Variants in NSMAF observed in about 807,000 individuals in gnomAD.
The protein encoded by NSMAF is protein FAN.
NSMAF carries 90 observed loss-of-function variants against 134.9 expected under a neutral mutation model. The observed-to-expected ratio is 0.67, with a 90% CI of 0.56 to 0.79. The LOEUF is 0.79. NSMAF is among the 30% of genes least tolerant of loss of function. NSMAF has a pLI of 0.00. For missense variants in NSMAF, 1,010 were observed against 1,119.0 expected (o/e 0.90, Z 1.39); for synonymous variants, 358 against 389.6 (o/e 0.92, Z 0.96).
chr8:58,601,474 C>A lies in NSMAF; in HGVS notation c.1187G>T (p.Gly396Val). 1 of 1,612,248 alleles carries A rather than the reference C, an allele frequency of 6.2e-7. No homozygotes were observed. The highest frequency in any genetic ancestry group is 8.5e-7 in the Non-Finnish European group (1 of 1,179,480). Residue 396 changes from glycine (G) to valine (V), a missense_variant, in exon 15 of 31, where the codon GGT becomes GTT. By Grantham distance (109) the Gly-to-Val change is moderately radical. Coordinates refer to ENST00000038176, the MANE Select transcript of NSMAF (RefSeq NM_003580.4). ...FMYGSHYSSP[G>V]YVLFYLVRIA... is the part of the protein sequence containing the mutation. ...CCTAACAAGATAAAAAAGTACATAA[C>A]CCGGGGAAGAGTAGTGACTCCCATA...
chr8:58,642,564 T>C (rs1258191069), intron 2 of NSMAF, among the ~76,000 whole-genome samples: 1 of 152,146 alleles, frequency 6.6e-6, no homozygotes, highest in African/African-American at 2.4e-5. Context: ...ACCCGAATAA[T>C]TGAGAGCAGA....
intron 23 of NSMAF, among the ~76,000 whole-genome samples, chr8:58,591,257 A>C (rs946450614): frequency 1.3e-5 from 2 of 152,196 alleles, no homozygotes; most frequent in Admixed American, 1.3e-4. Flanking sequence ...GGAGGAAAAT[A>C]GCAATTTTAA....
At chr8:58,650,637 T>A (rs1000683862) in intron 1 of NSMAF, among the ~76,000 whole-genome samples, 14 of 152,330 alleles carry the variant, frequency 9.2e-5, no homozygotes, top group African/African-American at 3.1e-4. Flanking sequence ...TTTCAATATC[T>A]GCTTTCTTAA....
In NSMAF at chr8:58,597,488, G is replaced by A; in HGVS notation, c.1691C>T (p.Pro564Leu). 1 of 1,614,036 alleles carries A rather than the reference G, an allele frequency of 6.2e-7. No homozygotes were observed. Among genetic ancestry groups the A allele is most frequent in the Non-Finnish European group, 8.5e-7 (1 of 1,179,920 alleles). Residue 564 changes from proline to leucine, a missense_variant, in exon 21 of 31, where the codon CCA becomes CTA. By Grantham distance (98) the Pro-to-Leu change is moderately conservative. Transcript: ENST00000038176. The stretch of plus-strand genomic sequence containing the variant: ...ATGTGGTGTCACAAATAGTTGTTTT[G>A]GTGTCTGCCCAAATTCCAAGATTTG... ...LTQILEFGQTPKQLFVTPHPR... is the reference protein window; with the variant it reads ...LTQILEFGQTLKQLFVTPHPR...
intron 23 of NSMAF, 55 bp from the exon 24 acceptor site, chr8:58,590,989 C>T (rs1430612319): frequency 2.1e-5 from 32 of 1,511,968 alleles, no homozygotes; most frequent in African/African-American, 9.7e-5. Context: ...CCATTACAGA[C>T]GTCAAAGAAC....
chr8:58,606,079 T>C, intron 11 of NSMAF, 44 bp from the exon 12 acceptor site: 1 of 936,822 alleles, frequency 1.1e-6, no homozygotes, highest in Non-Finnish European at 1.5e-6. Context: ...AGCATTGTAT[T>C]CATCTTGCAA....
intron 6 of NSMAF, among the ~76,000 whole-genome samples, chr8:58,627,904 C>T (rs970314040): frequency 6.6e-6 from 1 of 151,996 alleles, no homozygotes; most frequent in Non-Finnish European, 1.5e-5. Flanking sequence ...CCATATGGCA[C>T]CAAAAAAGAG....
At chr8:58,623,653 A>T in intron 7 of NSMAF, 56 bp downstream of exon 7, 3 of 1,470,734 alleles carry the variant, frequency 2.0e-6, no homozygotes, top group African/African-American at 1.4e-5. Flanking sequence ...TACGAAATTT[A>T]TAAAAACAGT....
Position 58,587,615 on chromosome 8 carries a change from C to G in NSMAF, c.2295+3G>C, listed in dbSNP as rs1478189169. The stretch of plus-strand genomic sequence containing the variant: ...TTCTGTACAGTTTGTTGCTGGTACT[C>G]ACACTGACATCATGTTCCAGCTCGG... On this transcript the variant is annotated splice_donor_region_variant and intron_variant, in intron 27 of 30. Coordinates refer to ENST00000038176, the MANE Select transcript of NSMAF (RefSeq NM_003580.4). 8 of 1,613,580 alleles carry G rather than the reference C, an allele frequency of 5.0e-6. No homozygotes were observed. Among genetic ancestry groups the G allele is most frequent in the Non-Finnish European group, 6.8e-6 (8 of 1,179,490 alleles).
intron 13 of NSMAF, among the ~76,000 whole-genome samples, chr8:58,602,608 A>G (rs1806310636): frequency 6.6e-6 from 1 of 152,192 alleles, no homozygotes; most frequent in Non-Finnish European, 1.5e-5. Flanking sequence ...TCTTTCAAGG[A>G]CAAAGGTTCA....
At chr8:58,644,055 A>AT (rs1403237759) in intron 1 of NSMAF, among the ~76,000 whole-genome samples, 3 of 152,260 alleles carry the variant, frequency 2.0e-5, no homozygotes, top group East Asian at 3.9e-4. Flanking sequence ...GAAAACAGGC[A>AT]TTTTTTTGTT....
At chr8:58,637,103 A>C (rs1807193936) in intron 2 of NSMAF, 1 of 301,824 alleles carries the variant, frequency 3.3e-6, no homozygotes, top group Non-Finnish European at 6.7e-6. Flanking sequence ...TTTATGAAAC[A>C]TTTCAATCCA....
chr8:58,637,474 C>A, intron 2 of NSMAF: 1 of 441,778 alleles, frequency 2.3e-6, no homozygotes, highest in Non-Finnish European at 4.6e-6. Flanking sequence ...TACTATTCAA[C>A]ATAGTACTGG....
At chr8:58,607,631 A>G (rs917639566) in intron 11 of NSMAF, 138 bp downstream of exon 11, 46 of 671,498 alleles carry the variant, frequency 6.9e-5, no homozygotes, top group Non-Finnish European at 1.2e-4. Flanking sequence ...AAGAAAGAAC[A>G]GCAAAATCAG....
At position 58,623,376 on chromosome 8, in the gene NSMAF, C is replaced by G. The variant is rs774869610; in HGVS notation, c.504+1G>C. On this transcript the variant is annotated splice_donor_variant, in intron 8 of 30. Transcript: ENST00000038176. LOFTEE classifies it high-confidence loss of function. ...AGACAGACATTGTTAAGAATACTTACCATGGCGGTTTGGTCACCCAATTTG... is the reference window on the plus strand; with the variant it reads ...AGACAGACATTGTTAAGAATACTTAGCATGGCGGTTTGGTCACCCAATTTG... 3.7e-6 allele frequency: 6 copies of G among 1,613,700 alleles called. No homozygotes were observed. In the Admixed American group the frequency reaches 1.0e-4, roughly 27 times the overall value.
In NSMAF at chr8:58,623,407, G is replaced by C; in HGVS notation, c.474C>G (p.Cys158Trp). Residue 158 changes from cysteine (C) to tryptophan (W), a missense_variant, in exon 8 of 31, where the codon TGC (cysteine) becomes TGG (tryptophan). Cys to Trp is a radical substitution (Grantham distance 215). Transcript: ENST00000038176. ...CGGTTTGGTCACCCAATTTGTCAAG[G>C]CAGGATGCTCTGTGAAGCTACAGTA... is the stretch of plus-strand genomic sequence containing the variant. ...ETLLQLHRAS[C>W]LDKLGDQTAM... 6.2e-7 allele frequency: 1 copy of C among 1,614,012 alleles called. No individual in the cohort carries two copies. The highest frequency in any genetic ancestry group is 1.3e-5 in the African/African-American group (1 of 75,070).
chr8:58,612,764 C>T (rs1177152659), intron 9 of NSMAF, among the ~76,000 whole-genome samples: 1 of 152,020 alleles, frequency 6.6e-6, no homozygotes, highest in African/African-American at 2.4e-5. Flanking sequence ...AGGAAAAAGC[C>T]CCACAGCTGA....
At chr8:58,600,403 T>C (rs1806252757) in intron 16 of NSMAF, among the ~76,000 whole-genome samples, 2 of 151,904 alleles carry the variant, frequency 1.3e-5, no homozygotes, top group Admixed American at 1.3e-4. Context: ...GGCGGGTGGA[T>C]CACGAAGTCA....
chr8:58,584,180 T>G lies in NSMAF; in HGVS notation c.2680A>C (p.Met894Leu). 2 of 1,613,598 alleles carry G rather than the reference T, an allele frequency of 1.2e-6. No individual in the cohort carries two copies. The highest frequency in any genetic ancestry group is 2.2e-5 in the South Asian group (2 of 91,042). Residue 894 changes from methionine to leucine, a missense_variant, in exon 31 of 31, where the codon ATG becomes CTG. Physicochemically the swap from Met to Leu is conservative, Grantham distance 15. Transcript: ENST00000038176. Reference sequence around the variant, plus strand: ...ATGATACTGCTACACTGTTCATTCATCCATATACATGTCACAGCACCTGAG... The same window carrying G: ...ATGATACTGCTACACTGTTCATTCAGCCATATACATGTCACAGCACCTGAG... ...GHTGAVTCIW[M>L]NEQCSSIITG...
Sources: allele counts gnomAD v4.1 joint callset (sites outside exome capture counted in the v4.1 genomes callset), GRCh38; gene constraint gnomAD v4.1.1; transcripts MANE v1.5; gene names NCBI Gene and HGNC (gene_info 2026-07-23, HGNC 2026-07-21).